LRP1B: variants seen among roughly 807,000 people sequenced by gnomAD.
LRP1B encodes low-density lipoprotein receptor-related protein 1B.
In LRP1B, 217 loss-of-function variants were observed where a neutral mutation model predicts 556.6. The ratio of observed to expected loss-of-function variants is 0.39; its 90% CI spans 0.35 to 0.44. The LOEUF (loss-of-function observed/expected upper bound fraction) is 0.44. LRP1B is among the 20% of genes least tolerant of loss of function. The probability of loss-of-function intolerance (pLI) is 1.00; values close to 1 mark genes in which losing one functional copy is unlikely to be tolerated. For synonymous variants in LRP1B, 2,047 were observed against 1,865.8 expected (o/e 1.10, Z -2.50); for missense variants, 5,053 against 5,620.8 (o/e 0.90, Z 3.23).
At chr2:140,670,443 G>T (rs1044583334) in intron 41 of LRP1B, among the ~76,000 whole-genome samples, 2 of 152,160 alleles carry the variant, frequency 1.3e-5, no homozygotes, top group African/African-American at 4.8e-5. Flanking sequence ...TAATAAATTT[G>T]CAAGTAATGG....
chr2:140,606,997 G>A (rs1415715100), intron 41 of LRP1B, among the ~76,000 whole-genome samples: 1 of 152,008 alleles, frequency 6.6e-6, no homozygotes, highest in Non-Finnish European at 1.5e-5. Flanking sequence ...AAGACAAAAA[G>A]TCAACTGACA....
At position 141,103,522 on chromosome 2, in the gene LRP1B, T is replaced by TTCTCTCTCTCTCTC. The variant is rs61008140; in HGVS notation, c.1014-41250_1014-41249insGAGAGAGAGAGAGA. ...CAGAAGCTGGGCCATAGCACACACA[T>TTCTCTCTCTCTCTC]TCTCTCTCTCTCTTAAAAAGTTCAG... On this transcript the variant is annotated intron_variant, in intron 7 of 90. Transcript: ENST00000389484. Among the ~76,000 whole-genome samples, 197 of 149,142 alleles carry TTCTCTCTCTCTCTC rather than the reference T, an allele frequency of 1.3e-3. 3 individuals carry two copies. The highest frequency in any genetic ancestry group is 9.5e-3 in the East Asian group (47 of 4,948).
chr2:140,748,544 C>A (rs1389434534), intron 35 of LRP1B, among the ~76,000 whole-genome samples: 5 of 104,150 alleles, frequency 4.8e-5, no homozygotes, highest in South Asian at 3.0e-4. Context: ...TGTAAATGAC[C>A]CATGATAATA....
At chr2:140,524,491 C>A (rs892430771) in intron 49 of LRP1B, among the ~76,000 whole-genome samples, 1 of 151,772 alleles carries the variant, frequency 6.6e-6, no homozygotes, top group Non-Finnish European at 1.5e-5. Context: ...AAGATACATG[C>A]ACTCATATAT....
intron 3 of LRP1B, among the ~76,000 whole-genome samples, chr2:141,467,132 A>ATG (rs1559086595): frequency 3.3e-5 from 1 of 29,852 alleles, no homozygotes; most frequent in African/African-American, 5.4e-5. Context: ...ATCTATATAT[A>ATG]TATATATATA....
chr2:141,782,439 G>T lies in LRP1B; in HGVS notation c.205+27840C>A, dbSNP rs564397896. ...ATTTAACCTCCATTATCTAAGACTA[G>T]AATTTAATCATTTTTATGCTTGCAA... is the stretch of plus-strand genomic sequence containing the variant. On this transcript the variant is annotated intron_variant, in intron 2 of 90. Transcript: ENST00000389484. Among the ~76,000 whole-genome samples the T allele has an allele frequency of 1.1e-4, 17 of 148,668 alleles. No individual in the cohort carries two copies. In the South Asian group the frequency reaches 3.7e-3, roughly 32 times the overall value.
intron 1 of LRP1B, among the ~76,000 whole-genome samples, chr2:142,014,687 T>C (rs76184980): frequency 0.025 from 3,814 of 152,174 alleles, 165 homozygotes; most frequent in East Asian, 0.17. Context: ...TGGAAGCACG[T>C]ACATTAAAAT....
At chr2:141,219,462 AC>A (rs764218782) in intron 6 of LRP1B, among the ~76,000 whole-genome samples, 2 of 152,122 alleles carry the variant, frequency 1.3e-5, no homozygotes, top group East Asian at 3.9e-4. Flanking sequence ...TGGGAAGGAG[AC>A]CCTGGGGGAA....
chr2:140,406,554 C>A (rs371918923), intron 66 of LRP1B, among the ~76,000 whole-genome samples: 1 of 152,008 alleles, frequency 6.6e-6, no homozygotes, highest in Non-Finnish European at 1.5e-5. Flanking sequence ...ACAACAGTGA[C>A]CCAGCTGAGA....
chr2:141,530,512 G>C (rs2128694), intron 2 of LRP1B, among the ~76,000 whole-genome samples: 147,963 of 152,122 alleles, frequency 0.97, 72,092 homozygotes, highest in East Asian at 1. Flanking sequence ...TTCTCATGGG[G>C]ACTATTCTAG....
chr2:142,085,950 G>A (rs1214902091), intron 1 of LRP1B, among the ~76,000 whole-genome samples: 2 of 152,168 alleles, frequency 1.3e-5, no homozygotes, highest in East Asian at 3.8e-4. Flanking sequence ...ACCTCTCAGT[G>A]TATCCTGCTC....
chr2:140,894,531 CAAA>C (rs35311528), intron 23 of LRP1B, among the ~76,000 whole-genome samples: 2 of 149,630 alleles, frequency 1.3e-5, no homozygotes, highest in African/African-American at 2.5e-5. Flanking sequence ...CCCTGAAGAC[CAAA>C]AAAAAAATAC....
chr2:142,051,163 T>A (rs1319293441), intron 1 of LRP1B, among the ~76,000 whole-genome samples: 1 of 151,188 alleles, frequency 6.6e-6, no homozygotes, highest in African/African-American at 2.4e-5. Context: ...TTCCAAAGAG[T>A]CCAAGTAGTG....
At chr2:141,900,420 T>C (rs953966516) in intron 1 of LRP1B, among the ~76,000 whole-genome samples, 4 of 152,118 alleles carry the variant, frequency 2.6e-5, no homozygotes, top group Non-Finnish European at 5.9e-5. Flanking sequence ...TCAAGAGTTG[T>C]ATGTGAATTA....
intron 1 of LRP1B, among the ~76,000 whole-genome samples, chr2:142,007,886 C>T (rs1702847106): frequency 6.6e-6 from 1 of 152,132 alleles, no homozygotes; most frequent in African/African-American, 2.4e-5. Context: ...ATCAAGTCTA[C>T]CAATTCCAGA....
intron 7 of LRP1B, among the ~76,000 whole-genome samples, chr2:141,159,594 T>C (rs1354557960): frequency 6.6e-6 from 1 of 152,034 alleles, no homozygotes; most frequent in Non-Finnish European, 1.5e-5. Context: ...GCAAAGGTAA[T>C]TAATCGAAAG....
intron 2 of LRP1B, among the ~76,000 whole-genome samples, chr2:141,665,591 G>A (rs1045426377): frequency 2.0e-5 from 3 of 152,066 alleles, no homozygotes; most frequent in Non-Finnish European, 4.4e-5. Flanking sequence ...ATGCCCAAAG[G>A]AATATAAATC....
chr2:140,410,961 G>A (rs1243770700), intron 66 of LRP1B, among the ~76,000 whole-genome samples: 2 of 152,044 alleles, frequency 1.3e-5, no homozygotes, highest in Non-Finnish European at 2.9e-5. Flanking sequence ...ATGGGTGCCG[G>A]GGTTACCTCA....
rs151200012 is a variant in LRP1B at position 142,122,499 on chromosome 2, T to G, written c.82+8149A>C. ...CATCAAATTTTCTTGCAAATAAGAT[T>G]AGTGTGCTGTTGTATTACAGGACAT... is the stretch of plus-strand genomic sequence containing the variant. On this transcript the variant is annotated intron_variant, in intron 1 of 90. Transcript: ENST00000389484. Among the ~76,000 whole-genome samples the G allele has an allele frequency of 5.4e-4, 82 of 152,222 alleles. No individual in the cohort carries two copies. In the East Asian group the frequency reaches 0.014, roughly 27 times the overall value.
Sources: gnomAD v4.1 joint callset for allele counts (sites outside exome capture counted in the v4.1 genomes callset) on GRCh38, gnomAD v4.1.1 for gene constraint, MANE v1.5 for transcripts, NCBI Gene and HGNC (gene_info 2026-07-23, HGNC 2026-07-21) for gene names.